Variants in GPSM1 observed in about 807,000 individuals in gnomAD.
GPSM1 encodes G protein signaling modulator 1, also known as G protein-signaling modulator 1.
Under a neutral mutation model 70.5 loss-of-function variants are expected in GPSM1, and 48 were observed. That is an observed-to-expected ratio of 0.68 (90% CI 0.54 to 0.87). GPSM1 has a LOEUF of 0.87. GPSM1 is among the 40% of genes least tolerant of loss of function. GPSM1 has a pLI of 0.00. For synonymous variants in GPSM1, 416 were observed against 430.1 expected, an observed-to-expected ratio of 0.97 and a Z score of 0.41; for missense variants, 981 against 972.6, an observed-to-expected ratio of 1.01 and a Z score of -0.11.
rs139384639 is a variant in GPSM1 at position 136,328,888 on chromosome 9, C to A, written c.68+1125C>A. Among the ~76,000 whole-genome samples, 527 of 152,306 alleles carry A rather than the reference C, an allele frequency of 3.5e-3. 3 individuals are homozygous for A. The highest frequency in any genetic ancestry group is 4.6e-3 in the Non-Finnish European group (313 of 68,028). On this transcript the variant is annotated intron_variant, in intron 1 of 13. Transcript: ENST00000440944. ...CAAGGGTTTCCTCCGCTGATCTGATCGGCTGTGCAGGGCCGCATGTGCTCC... is the reference window on the plus strand; with the variant it reads ...CAAGGGTTTCCTCCGCTGATCTGATAGGCTGTGCAGGGCCGCATGTGCTCC...
chr9:136,354,898 A>T, intron 11 of GPSM1: 1 of 1,012,568 alleles, frequency 9.9e-7, no homozygotes, highest in Non-Finnish European at 1.2e-6. Context: ...GCTTCCCGGG[A>T]TGTCTGGGAA....
intron 2 of GPSM1, 76 bp from the exon 3 acceptor site, chr9:136,335,890 C>T (rs1832220552): frequency 1.4e-6 from 2 of 1,463,636 alleles, no homozygotes. Flanking sequence ...CTACCCCACC[C>T]CATGCTCAGC....
chr9:136,333,341 T>A (rs1466073999), intron 1 of GPSM1, among the ~76,000 whole-genome samples: 1 of 151,910 alleles, frequency 6.6e-6, no homozygotes, highest in African/African-American at 2.4e-5. Context: ...CCATGTGACC[T>A]GTAAGAGTAG....
At chr9:136,355,642 G>A in intron 11 of GPSM1, 48 bp from the exon 12 acceptor site, 1 of 1,583,836 alleles carries the variant, frequency 6.3e-7, no homozygotes, top group East Asian at 2.2e-5. Flanking sequence ...TCTCGTCTGG[G>A]GGTCTGCGGG....
rs147843984 is a variant in GPSM1 at position 136,358,035 on chromosome 9, C to A, written c.1843C>A (p.Arg615Ser). The A allele has an allele frequency of 6.2e-7, 1 of 1,612,560 alleles. No individual in the cohort carries two copies. Among genetic ancestry groups the A allele is most frequent in the Admixed American group, 1.7e-5 (1 of 59,982 alleles). ...KYQSSRIDDQ[R>S]CPPPDVLPRG... ...CCAGTCCTCCAGGATCGATGACCAG[C>A]GCTGCCCGCCACCTGACGTACTGCC... Residue 615 changes from arginine to serine, a missense_variant, in exon 14 of 14, where the codon CGC becomes AGC. Arg to Ser is a moderately radical substitution (Grantham distance 110). Coordinates refer to ENST00000440944, the MANE Select transcript of GPSM1 (RefSeq NM_001145638.3).
chr9:136,353,394 G>A (rs550559034), intron 11 of GPSM1, among the ~76,000 whole-genome samples: 29 of 152,296 alleles, frequency 1.9e-4, no homozygotes, highest in Admixed American at 2.6e-4. Flanking sequence ...GCGGAACCCC[G>A]AGTCCCACTG....
In GPSM1 at chr9:136,331,556, G is replaced by A. The variant is rs187979419; in HGVS notation, c.69-2891G>A. Among the ~76,000 whole-genome samples the A allele has an allele frequency of 7.5e-3, 1,146 of 152,282 alleles. 13 individuals are homozygous for A. Among genetic ancestry groups the A allele is most frequent in the African/African-American group, 0.027 (1,103 of 41,548 alleles). ...CCAGGCCTGGGGGAAGAGGTGCTGGGCTGGGGGCACTCACACACTCTGGAC... is the reference window on the plus strand; with the variant it reads ...CCAGGCCTGGGGGAAGAGGTGCTGGACTGGGGGCACTCACACACTCTGGAC... On this transcript the variant is annotated intron_variant, in intron 1 of 13. Transcript: ENST00000440944.
At chr9:136,356,603 G>A in intron 13 of GPSM1, 53 bp downstream of exon 13, 1 of 1,363,232 alleles carries the variant, frequency 7.3e-7, no homozygotes, top group South Asian at 1.3e-5. Flanking sequence ...CCATCCACGT[G>A]TGTGGAGGCA....
At chr9:136,329,311 C>T (rs1427072045) in intron 1 of GPSM1, among the ~76,000 whole-genome samples, 3 of 152,232 alleles carry the variant, frequency 2.0e-5, no homozygotes, top group East Asian at 1.9e-4. Context: ...GGAGTCTGCA[C>T]CCCACCGTGT....
intron 9 of GPSM1, among the ~76,000 whole-genome samples, chr9:136,346,907 C>T (rs933307673): frequency 1.3e-5 from 2 of 152,188 alleles, no homozygotes; most frequent in African/African-American, 4.8e-5. Flanking sequence ...ATGTTGTGTT[C>T]CCCGGCAGGG....
chr9:136,356,313 C>T (rs782056336), intron 12 of GPSM1, 29 bp from the exon 13 acceptor site: 2 of 1,500,180 alleles, frequency 1.3e-6, no homozygotes, highest in South Asian at 1.3e-5. Context: ...CGCACTGGGT[C>T]CCAGGTCTCA....
At chr9:136,337,664 C>G in intron 5 of GPSM1, 100 bp downstream of exon 5, 1 of 1,201,100 alleles carries the variant, frequency 8.3e-7, no homozygotes, top group Non-Finnish European at 1.2e-6. Flanking sequence ...GTGGTATGGC[C>G]AGGCAGCAGG....
At position 136,344,437 on chromosome 9, in the gene GPSM1, C is replaced by T. The variant is rs562007551; in HGVS notation, c.1207+3444C>T. ...TGGGTGCTGTGTGCTCGGGTGCTGGCGAGAGCCTCTTCCGGGCTGGCAGAC... is the reference window on the plus strand; with the variant it reads ...TGGGTGCTGTGTGCTCGGGTGCTGGTGAGAGCCTCTTCCGGGCTGGCAGAC... On this transcript the variant is annotated intron_variant, in intron 9 of 13. Transcript: ENST00000440944. 1.2e-4 allele frequency among the ~76,000 whole-genome samples: 19 copies of T among 152,292 alleles called. No individual in the cohort carries two copies. The South Asian group carries it at 2.1e-3, about 17-fold the overall frequency.
At chr9:136,327,936 C>T (rs1200767326) in intron 1 of GPSM1, among the ~76,000 whole-genome samples, 173 bp downstream of exon 1, 1 of 148,696 alleles carries the variant, frequency 6.7e-6, no homozygotes, top group Non-Finnish European at 1.5e-5. Context: ...CCCGCGTGGG[C>T]GTCCCCTGAA....
chr9:136,345,236 A>G (rs1554771060), intron 9 of GPSM1, among the ~76,000 whole-genome samples: 2 of 152,136 alleles, frequency 1.3e-5, no homozygotes, highest in Non-Finnish European at 2.9e-5. Flanking sequence ...CTGGGTGAGG[A>G]CAGAAATGAT....
chr9:136,348,973 G>A (rs1165735104), intron 10 of GPSM1, among the ~76,000 whole-genome samples: 3 of 152,242 alleles, frequency 2.0e-5, no homozygotes, highest in African/African-American at 7.2e-5. Flanking sequence ...CCCCAGGCGA[G>A]GCATGGTCCT....
chr9:136,337,512 A>G lies in GPSM1; in HGVS notation c.650A>G (p.Asn217Ser). The G allele has an allele frequency of 3.2e-6, 5 of 1,561,460 alleles. No individual in the cohort carries two copies. Among genetic ancestry groups the G allele is most frequent in the Non-Finnish European group, 3.5e-6 (4 of 1,152,750 alleles). Residue 217 changes from asparagine (N) to serine (S), a missense_variant, in exon 5 of 14, where the codon AAC becomes AGC. Transcript: ENST00000440944. ...GGCAGGGCCTACGGCAACCTGGGCA[A>G]CACCCACTATTTGTTGGGGAACTTC... is the stretch of plus-strand genomic sequence containing the variant. ...AQGRAYGNLGNTHYLLGNFTE... is the reference protein window; with the variant it reads ...AQGRAYGNLGSTHYLLGNFTE...
intron 2 of GPSM1, among the ~76,000 whole-genome samples, chr9:136,335,345 G>A (rs1159852051): frequency 6.6e-6 from 1 of 152,062 alleles, no homozygotes; most frequent in Non-Finnish European, 1.5e-5. Flanking sequence ...ACTCCCCGCC[G>A]CCCCTTGGGG....
intron 1 of GPSM1, among the ~76,000 whole-genome samples, chr9:136,328,686 G>A (rs868973775): frequency 4.6e-5 from 7 of 152,208 alleles, no homozygotes; most frequent in East Asian, 3.9e-4. Flanking sequence ...GCGGCACGGC[G>A]GACAGAGGCC....
Sources: gnomAD v4.1 joint callset for allele counts (sites outside exome capture counted in the v4.1 genomes callset) on GRCh38, gnomAD v4.1.1 for gene constraint, MANE v1.5 for transcripts, NCBI Gene and HGNC (gene_info 2026-07-23, HGNC 2026-07-21) for gene names.